Variants in DPY19L4 observed in about 807,000 individuals in gnomAD.
DPY19L4 encodes dpy-19 like 4.
DPY19L4 carries 97 observed loss-of-function variants against 102.8 expected under a neutral mutation model. The observed-to-expected ratio is 0.94, with a 90% confidence interval of 0.80 to 1.12. The LOEUF is 1.12. Ranked by LOEUF, DPY19L4 falls within the 50% of genes most tolerant of loss-of-function variation. The probability of loss-of-function intolerance (pLI) is 0.00; values close to 1 mark genes in which losing one functional copy is unlikely to be tolerated. For missense variants in DPY19L4, 815 were observed against 850.4 expected, an observed-to-expected ratio of 0.96 and a Z score of 0.52; for synonymous variants, 252 against 283.1, an observed-to-expected ratio of 0.89 and a Z score of 1.10.
intron 6 of DPY19L4, among the ~76,000 whole-genome samples, chr8:94,740,690 C>T (rs184055395): frequency 5.9e-5 from 9 of 152,252 alleles, no homozygotes; most frequent in Admixed American, 2.6e-4. Context: ...CTCCTGACCT[C>T]GTGATCCACC....
chr8:94,766,922 T>C (rs1296820520), intron 11 of DPY19L4, among the ~76,000 whole-genome samples: 2 of 151,678 alleles, frequency 1.3e-5, no homozygotes, highest in Non-Finnish European at 2.9e-5. Context: ...CAAAAAAAAT[T>C]AGCTGGGTGT....
chr8:94,730,912 A>T (rs1271683165), intron 2 of DPY19L4, among the ~76,000 whole-genome samples: 1 of 149,718 alleles, frequency 6.7e-6, no homozygotes, highest in Non-Finnish European at 1.5e-5. Flanking sequence ...CACCCTGCTA[A>T]TTTTGTATTT....
intron 10 of DPY19L4, among the ~76,000 whole-genome samples, 173 bp downstream of exon 10, chr8:94,765,982 TTTCTG>T (rs1306996146): frequency 6.6e-6 from 1 of 152,230 alleles, no homozygotes; most frequent in Non-Finnish European, 1.5e-5. Flanking sequence ...TTCTGATTCT[TTTCTG>T]TATGTAGTTG....
rs1419389760 is a variant in DPY19L4 at position 94,790,824 on chromosome 8, GA to G, written c.*915del. On this transcript the variant is annotated 3_prime_UTR_variant, in exon 19 of 19. Coordinates refer to ENST00000414645, the MANE Select transcript of DPY19L4 (RefSeq NM_181787.3). ...TCTAAAATTAGCAACAATTTCTGGGGATACATGCAGATGTTGTTAAACGTAC... is the reference window on the plus strand; with the variant it reads ...TCTAAAATTAGCAACAATTTCTGGGGTACATGCAGATGTTGTTAAACGTAC... 2.6e-5 allele frequency: 4 copies of G among 151,810 alleles called. No individual in the cohort carries two copies. The highest frequency in any genetic ancestry group is 5.9e-5 in the Non-Finnish European group (4 of 67,896). The allele number at this position is 151,810 out of a possible 1,614,324, so 9.4% of individuals were successfully genotyped here.
intron 14 of DPY19L4, among the ~76,000 whole-genome samples, 182 bp downstream of exon 14, chr8:94,777,968 C>T (rs181865926): frequency 3.9e-5 from 6 of 152,268 alleles, no homozygotes; most frequent in Admixed American, 2.0e-4. Context: ...CGGTGGCTCA[C>T]GCTTGTAATC....
chr8:94,733,095 A>G (rs893167014), intron 2 of DPY19L4, among the ~76,000 whole-genome samples: 1 of 141,110 alleles, frequency 7.1e-6, no homozygotes, highest in South Asian at 2.3e-4. Flanking sequence ...GACCTGAGCC[A>G]CCACACTTAG....
At chr8:94,765,844 A>C (rs1399900090) in intron 10 of DPY19L4, 35 bp downstream of exon 10, 2 of 1,259,124 alleles carry the variant, frequency 1.6e-6, no homozygotes, top group Non-Finnish European at 2.3e-6. Flanking sequence ...TAGTAAAACA[A>C]AATGAATAAT....
In DPY19L4 at chr8:94,734,691, T is replaced by TA. The variant is rs1387136830; in HGVS notation, c.190dup (p.Met64AsnfsTer12). 1 of 1,614,000 alleles carries TA rather than the reference T, an allele frequency of 6.2e-7. No homozygotes were observed. The highest frequency in any genetic ancestry group is 2.2e-5 in the East Asian group (1 of 44,872). On this transcript the variant is annotated frameshift_variant, in exon 3 of 19. Transcript: ENST00000414645. LOFTEE classifies it high-confidence loss of function. ...GCTGTCTTGCAGCGGTTACTAGTGGTATGATGTATGCTCTCTACTTATCAG... is the reference window on the plus strand; with the variant it reads ...GCTGTCTTGCAGCGGTTACTAGTGGTAATGATGTATGCTCTCTACTTATCAG...
intron 2 of DPY19L4, among the ~76,000 whole-genome samples, chr8:94,734,252 G>A (rs1413882059): frequency 6.6e-6 from 1 of 151,728 alleles, no homozygotes; most frequent in Non-Finnish European, 1.5e-5. Flanking sequence ...TCACCATGTT[G>A]GCCAGGCTGG....
intron 6 of DPY19L4, among the ~76,000 whole-genome samples, chr8:94,746,844 C>T (rs968088237): frequency 2.0e-5 from 3 of 151,992 alleles, no homozygotes; most frequent in African/African-American, 7.3e-5. Context: ...AATGTGATAC[C>T]AGTGTAGCAA....
Position 94,733,620 on chromosome 8 carries a change from C to T in DPY19L4, c.128-1010C>T, listed in dbSNP as rs1811065302. Reference sequence around the variant, plus strand: ...GCAGTGGCACGCTCTCTGCTCACTGCAACCTCCGCCTCCCAGGTTCAAGTG... The same window carrying T: ...GCAGTGGCACGCTCTCTGCTCACTGTAACCTCCGCCTCCCAGGTTCAAGTG... On this transcript the variant is annotated intron_variant, in intron 2 of 18. Coordinates refer to ENST00000414645, the MANE Select transcript of DPY19L4 (RefSeq NM_181787.3). Among the ~76,000 whole-genome samples, 2 of 151,954 alleles carry T rather than the reference C, an allele frequency of 1.3e-5. 1 individual carries two copies. Among genetic ancestry groups the T allele is most frequent in the Admixed American group, 1.3e-4 (2 of 15,252 alleles).
intron 6 of DPY19L4, among the ~76,000 whole-genome samples, chr8:94,748,048 A>G (rs1811758176): frequency 6.6e-6 from 1 of 152,122 alleles, no homozygotes; most frequent in Admixed American, 6.5e-5. Context: ...GTCTCATTTG[A>G]TTTTGTCACC....
Position 94,781,139 on chromosome 8 carries a change from A to G in DPY19L4, c.1688A>G (p.Asp563Gly). Residue 563 changes from aspartate to glycine, a missense_variant, in exon 16 of 19, where the codon GAT (aspartate) becomes GGT (glycine). Physicochemically the swap from Asp to Gly is moderately conservative, Grantham distance 94. Coordinates refer to ENST00000414645, the MANE Select transcript of DPY19L4 (RefSeq NM_181787.3). ...GAACTACAGGAATTCTATGACCCAG[A>G]TACAGTGGAACTTATGACCTGGATA... ...LMELQEFYDP[D>G]TVELMTWIKR... 1 of 1,597,656 alleles carries G rather than the reference A, an allele frequency of 6.3e-7. No individual in the cohort carries two copies. Among genetic ancestry groups the G allele is most frequent in the South Asian group, 1.2e-5 (1 of 85,996 alleles).
intron 13 of DPY19L4, among the ~76,000 whole-genome samples, chr8:94,771,292 A>T (rs548882553): frequency 2.0e-4 from 31 of 152,354 alleles, no homozygotes; most frequent in African/African-American, 7.5e-4. Context: ...CTCAAAACCT[A>T]TAAACTTTCT....
intron 4 of DPY19L4, 52 bp downstream of exon 4, chr8:94,738,511 C>CT: frequency 8.0e-6 from 9 of 1,121,272 alleles, no homozygotes; most frequent in Admixed American, 3.2e-5. Context: ...TTTTTCTTTT[C>CT]TTTTCTTTTT....
chr8:94,759,141 G>A (rs1198455047), intron 7 of DPY19L4, among the ~76,000 whole-genome samples: 2 of 152,112 alleles, frequency 1.3e-5, no homozygotes, highest in Non-Finnish European at 2.9e-5. Context: ...TTATTGTGAC[G>A]AGCGAAAGAA....
At chr8:94,789,708 A>C (rs1813811218) in intron 18 of DPY19L4, 38 bp from the exon 19 acceptor site, 1 of 1,513,650 alleles carries the variant, frequency 6.6e-7, no homozygotes, top group Non-Finnish European at 8.9e-7. Flanking sequence ...TATAAGCTTA[A>C]TAAGCTTTTT....
chr8:94,783,158 G>A (rs1015876413), intron 16 of DPY19L4, among the ~76,000 whole-genome samples: 1 of 152,200 alleles, frequency 6.6e-6, no homozygotes, highest in Non-Finnish European at 1.5e-5. Flanking sequence ...ATCTGTCTGG[G>A]ACTTGGGATA....
rs747696222 is a variant in DPY19L4, at chr8:94,734,745, C to G, written c.243C>G (p.Ser81=). ...SAYHERKFWF[S]NRQELEREIT... ...ACCATGAACGGAAATTCTGGTTTTCCAACAGGCAGGTAAGAAGAAAGAATT... is the reference window on the plus strand; with the variant it reads ...ACCATGAACGGAAATTCTGGTTTTCGAACAGGCAGGTAAGAAGAAAGAATT... The change falls in exon 3 of 19, where the codon TCC becomes TCG. Residue 81 remains serine, a synonymous_variant. Coordinates refer to ENST00000414645, the MANE Select transcript of DPY19L4 (RefSeq NM_181787.3). The G allele has an allele frequency of 6.2e-7, 1 of 1,613,250 alleles. No homozygotes were observed. The highest frequency in any genetic ancestry group is 1.1e-5 in the South Asian group (1 of 90,828).
Sources: gnomAD v4.1 joint callset for allele counts (sites outside exome capture counted in the v4.1 genomes callset) on GRCh38, gnomAD v4.1.1 for gene constraint, MANE v1.5 for transcripts, NCBI Gene and HGNC (gene_info 2026-07-23, HGNC 2026-07-21) for gene names.